NUP88: variants seen among roughly 807,000 people sequenced by gnomAD.
NUP88 encodes nuclear pore complex protein Nup88.
NUP88 carries 57 observed loss-of-function variants against 93.9 expected under a neutral mutation model. The observed-to-expected ratio is 0.61, with a 90% CI of 0.49 to 0.76. The LOEUF is 0.76. NUP88 is among the 30% of genes least tolerant of loss of function. The pLI is 0.00. For synonymous variants in NUP88, 346 were observed against 336.8 expected (o/e 1.03, Z -0.30); for missense variants, 911 against 901.0 (o/e 1.01, Z -0.14).
intron 11 of NUP88, 133 bp from the exon 12 acceptor site, chr17:5,388,037 GT>G (rs1912152602): frequency 2.2e-6 from 2 of 924,756 alleles, no homozygotes. Flanking sequence ...GTCTCGCTCT[GT>G]CACCCAGGCT....
intron 2 of NUP88, among the ~76,000 whole-genome samples, chr17:5,415,364 GT>G (rs992787956): frequency 3.9e-5 from 6 of 152,084 alleles, no homozygotes; most frequent in African/African-American, 1.4e-4. Context: ...TTTTAGGATG[GT>G]TTGACTTAGG....
chr17:5,404,528 C>T (rs750672742), intron 6 of NUP88, among the ~76,000 whole-genome samples: 62 of 152,050 alleles, frequency 4.1e-4, no homozygotes, highest in East Asian at 3.9e-4. Context: ...GCAAGAGAAT[C>T]GCTTGAACTC....
chr17:5,402,234 G>A (rs1913214012), intron 7 of NUP88, among the ~76,000 whole-genome samples: 1 of 152,230 alleles, frequency 6.6e-6, no homozygotes, highest in South Asian at 2.1e-4. Flanking sequence ...TTGAACCCAG[G>A]GGGCGGAGGT....
chr17:5,388,991 C>A, intron 10 of NUP88, 31 bp from the exon 11 acceptor site: 1 of 1,541,526 alleles, frequency 6.5e-7, no homozygotes, highest in Non-Finnish European at 8.8e-7. Flanking sequence ...TTGAATTCTA[C>A]CATGGAGTGA....
intron 9 of NUP88, among the ~76,000 whole-genome samples, chr17:5,392,759 A>C (rs963479100): frequency 2.0e-5 from 3 of 152,092 alleles, no homozygotes; most frequent in Non-Finnish European, 2.9e-5. Flanking sequence ...AGACTGTTTA[A>C]TTTTACCTGT....
intron 10 of NUP88, 48 bp from the exon 11 acceptor site, chr17:5,389,008 G>C (rs758929823): frequency 1.4e-6 from 2 of 1,394,730 alleles, no homozygotes; most frequent in Admixed American, 2.3e-5. Flanking sequence ...GTGATTTACT[G>C]TATTACAGGA....
At chr17:5,386,340 A>ATT in intron 16 of NUP88, 71 bp from the exon 17 acceptor site, 1 of 1,204,194 alleles carries the variant, frequency 8.3e-7, no homozygotes, top group Non-Finnish European at 1.2e-6. Flanking sequence ...AAGAATTTAA[A>ATT]CTGGTAATGT....
intron 2 of NUP88, 89 bp from the exon 3 acceptor site, chr17:5,414,223 TTCTC>T: frequency 1.7e-6 from 2 of 1,171,976 alleles, no homozygotes; most frequent in South Asian, 1.3e-5. Context: ...CAGATGGAGT[TTCTC>T]TCTTGTTGCC....
At chr17:5,406,834 G>A (rs901660931) in intron 5 of NUP88, among the ~76,000 whole-genome samples, 11 of 152,134 alleles carry the variant, frequency 7.2e-5, no homozygotes, top group African/African-American at 2.2e-4. Flanking sequence ...ACAAATTTGC[G>A]TTGGGCTGCA....
intron 11 of NUP88, 28 bp downstream of exon 11, chr17:5,388,774 T>A: frequency 6.3e-7 from 1 of 1,597,336 alleles, no homozygotes. Flanking sequence ...AACCCATTCA[T>A]AAAACCGCTA....
At position 5,388,524 on chromosome 17, in the gene NUP88, G is replaced by A. The variant is rs146104744; in HGVS notation, c.1643+278C>T. On this transcript the variant is annotated intron_variant, in intron 11 of 16. Coordinates refer to ENST00000573584, the MANE Select transcript of NUP88 (RefSeq NM_002532.6). The stretch of plus-strand genomic sequence containing the variant: ...AGGATGGTCTCGATCTCCTGACCTC[G>A]CGATTCACCCGTCTTGGTCTCCCAA... The A allele has an allele frequency of 7.0e-4, 176 of 252,948 alleles. 1 individual carries two copies. Among genetic ancestry groups the A allele is most frequent in the African/African-American group, 3.7e-3 (165 of 44,868 alleles). 15.7% of individuals were successfully genotyped at this position (252,948 alleles called of 1,614,324 possible). A position where few individuals can be genotyped will look rare whatever the true frequency, so the allele number is the denominator to read the frequency against.
At chr17:5,406,148 CAGA>C (rs1370618217) in intron 5 of NUP88, among the ~76,000 whole-genome samples, 1 of 151,874 alleles carries the variant, frequency 6.6e-6, no homozygotes, top group East Asian at 1.9e-4. Flanking sequence ...AGTGCAACAA[CAGA>C]AGGATTTATG....
intron 9 of NUP88, 134 bp from the exon 10 acceptor site, chr17:5,391,796 C>A (rs1912454119): frequency 3.0e-6 from 2 of 660,470 alleles, no homozygotes; most frequent in East Asian, 5.6e-5. Context: ...ACCATAACCT[C>A]AAAAGTGGTG....
intron 9 of NUP88, among the ~76,000 whole-genome samples, chr17:5,392,933 G>A (rs769668043): frequency 6.6e-5 from 10 of 151,854 alleles, no homozygotes; most frequent in Non-Finnish European, 1.3e-4. Context: ...GGGACCACAG[G>A]TACATGCTAC....
Position 5,399,638 on chromosome 17 carries a change from G to T in NUP88, c.1205C>A (p.Pro402His). Residue 402 changes from proline to histidine, a missense_variant, in exon 8 of 17, where the codon CCT becomes CAT. By Grantham distance (77) the Pro-to-His change is moderately conservative. Transcript: ENST00000573584. ...TTCATGAGTACAGTGATATCTTGAA[G>T]GACACTTGGGATCTGCAAATGGAAT... ...PVKLHRDPKC[P>H]SRYHCTHEAG... 5 of 1,586,814 alleles carry T rather than the reference G, an allele frequency of 3.2e-6. No individual in the cohort carries two copies. The highest frequency in any genetic ancestry group is 3.5e-6 in the Non-Finnish European group (4 of 1,159,292).
chr17:5,387,992 C>CT, intron 11 of NUP88, 88 bp from the exon 12 acceptor site: 2 of 1,328,732 alleles, frequency 1.5e-6, no homozygotes, highest in Non-Finnish European at 2.0e-6. Context: ...GCTTTTTAAA[C>CT]TTTTTATATT....
chr17:5,404,485 G>T (rs956227562), intron 6 of NUP88, among the ~76,000 whole-genome samples: 4 of 151,906 alleles, frequency 2.6e-5, no homozygotes, highest in Non-Finnish European at 5.9e-5. Flanking sequence ...GTGGTGGTGG[G>T]TGCCTGTAAT....
chr17:5,390,011 T>C (rs1567565406), intron 10 of NUP88, among the ~76,000 whole-genome samples: 1 of 150,840 alleles, frequency 6.6e-6, no homozygotes, highest in African/African-American at 2.4e-5. Flanking sequence ...ACTAAAAATA[T>C]AAAAATTAGC....
Position 5,419,560 on chromosome 17 carries a change from G to T in NUP88, c.91C>A (p.Leu31Met), listed in dbSNP as rs1475665026. The T allele has an allele frequency of 6.2e-7, 1 of 1,612,610 alleles. No homozygotes were observed. Among genetic ancestry groups the T allele is most frequent in the East Asian group, 2.2e-5 (1 of 44,854 alleles). ...HVVFLRLREG[L>M]KNQSPTEAEK... ...GCTTCGGTTGGACTCTGGTTTTTCA[G>T]TCCCTCCCGGAGCCGCAAGAACACG... is the stretch of plus-strand genomic sequence containing the variant. Residue 31 changes from leucine to methionine, a missense_variant, in exon 1 of 17, where the codon CTG becomes ATG. Leu to Met is a conservative substitution (Grantham distance 15). Transcript: ENST00000573584.
Sources: gnomAD v4.1 joint callset for allele counts (sites outside exome capture counted in the v4.1 genomes callset) on GRCh38, gnomAD v4.1.1 for gene constraint, MANE v1.5 for transcripts, NCBI Gene and HGNC (gene_info 2026-07-23, HGNC 2026-07-21) for gene names.